The following DUSP16 variants were observed in gnomAD, a reference collection of about 807,000 sequenced individuals.
DUSP16 encodes dual specificity protein phosphatase 16.
In DUSP16, 21 loss-of-function variants were observed where a neutral mutation model predicts 58.3. That is an observed-to-expected ratio of 0.36 (90% confidence interval 0.26 to 0.52). The LOEUF (loss-of-function observed/expected upper bound fraction) is 0.52, where lower values mean the gene tolerates loss of function less well. Ranked by LOEUF, DUSP16 falls within the 20% of genes least tolerant of loss-of-function variation. DUSP16 has a pLI of 0.94. For missense variants in DUSP16, 726 were observed against 819.0 expected (o/e 0.89, Z 1.39); for synonymous variants, 320 against 323.8 (o/e 0.99, Z 0.12).
At chr12:12,485,301 C>T (rs1166728608) in intron 5 of DUSP16, 1 of 152,080 alleles carries the variant, frequency 6.6e-6, no homozygotes, top group East Asian at 1.9e-4. Flanking sequence ...CGTGAGCTAC[C>T]TGGCCATTTG....
intron 3 of DUSP16, among the ~76,000 whole-genome samples, chr12:12,511,283 A>G (rs1484427984): frequency 6.6e-6 from 1 of 152,196 alleles, no homozygotes; most frequent in Non-Finnish European, 1.5e-5. Flanking sequence ...AGGTTGGAAG[A>G]AAGATCTGGT....
At chr12:12,539,751 T>TA (rs71061077) in intron 1 of DUSP16, among the ~76,000 whole-genome samples, 34,993 of 139,260 alleles carry the variant, frequency 0.25, 4,489 homozygotes, top group African/African-American at 0.31. Context: ...AGCAGTTATT[T>TA]AAAAAAAAAA....
At chr12:12,509,914 G>A (rs1592183758) in intron 3 of DUSP16, among the ~76,000 whole-genome samples, 1 of 152,070 alleles carries the variant, frequency 6.6e-6, no homozygotes, top group Non-Finnish European at 1.5e-5. Context: ...AGACTCTCAG[G>A]GTGAGTGAGG....
chr12:12,499,565 T>C (rs1015105515), intron 4 of DUSP16, among the ~76,000 whole-genome samples: 2 of 152,236 alleles, frequency 1.3e-5, no homozygotes, highest in African/African-American at 4.8e-5. Flanking sequence ...CTAGAAAGCC[T>C]TGCCTTCCAG....
chr12:12,552,898 A>T (rs1944752742), intron 1 of DUSP16, among the ~76,000 whole-genome samples: 1 of 152,036 alleles, frequency 6.6e-6, no homozygotes, highest in Admixed American at 6.6e-5. Flanking sequence ...CTCGTGCCTC[A>T]GCCTCCCAAG....
Position 12,480,272 on chromosome 12 carries a change from T to A in DUSP16, c.766A>T (p.Ile256Phe). Residue 256 changes from isoleucine to phenylalanine, a missense_variant, in exon 6 of 7, where the codon ATC (isoleucine) becomes TTC (phenylalanine). By Grantham distance (21) the Ile-to-Phe change is conservative. Coordinates refer to ENST00000298573, the MANE Select transcript of DUSP16 (RefSeq NM_030640.3). ...TCCATCCTCTTCATGATGTAGGCGA[T>A]AGCGATGGTGGCGGAGCGGGAGATC... ...AGISRSATIAIAYIMKRMDMS... is the reference protein window; with the variant it reads ...AGISRSATIAFAYIMKRMDMS... 6.2e-7 allele frequency: 1 copy of A among 1,614,218 alleles called. No homozygotes were observed. The highest frequency in any genetic ancestry group is 1.7e-5 in the Admixed American group (1 of 60,022).
intron 3 of DUSP16, among the ~76,000 whole-genome samples, chr12:12,509,180 G>T (rs975672752): frequency 2.6e-5 from 4 of 152,210 alleles, no homozygotes; most frequent in Admixed American, 1.3e-4. Context: ...TGGCTGAACA[G>T]AATTAACAAG....
chr12:12,540,314 A>G (rs1944533058), intron 1 of DUSP16, among the ~76,000 whole-genome samples: 1 of 152,068 alleles, frequency 6.6e-6, no homozygotes, highest in Non-Finnish European at 1.5e-5. Flanking sequence ...TGGGCCACAG[A>G]GTGAGACCCT....
chr12:12,490,249 G>GA (rs1439405608), intron 4 of DUSP16, among the ~76,000 whole-genome samples: 2 of 152,074 alleles, frequency 1.3e-5, no homozygotes, highest in Non-Finnish European at 2.9e-5. Flanking sequence ...AATGGACTGA[G>GA]AAAAAATTAA....
intron 1 of DUSP16, among the ~76,000 whole-genome samples, chr12:12,539,144 G>A (rs1944512525): frequency 6.6e-6 from 1 of 152,168 alleles, no homozygotes; most frequent in East Asian, 1.9e-4. Context: ...CAGGTCACTT[G>A]GAAGGCAGTT....
chr12:12,552,753 A>G (rs184907922), intron 1 of DUSP16, among the ~76,000 whole-genome samples: 41 of 152,252 alleles, frequency 2.7e-4, no homozygotes, highest in Non-Finnish European at 5.7e-4. Flanking sequence ...TTTTCATAAA[A>G]GCATATTATT....
At chr12:12,531,937 T>G (rs1944393311) in intron 1 of DUSP16, among the ~76,000 whole-genome samples, 1 of 151,312 alleles carries the variant, frequency 6.6e-6, no homozygotes, top group Admixed American at 6.6e-5. Flanking sequence ...GGCGGGTGGA[T>G]CATGAGGTCA....
intron 1 of DUSP16, among the ~76,000 whole-genome samples, chr12:12,526,044 G>GCTA (rs1336720360): frequency 6.6e-6 from 1 of 152,078 alleles, no homozygotes; most frequent in East Asian, 1.9e-4. Flanking sequence ...CTTAATCAGG[G>GCTA]CTACTACACA....
chr12:12,521,275 CTCTT>C lies in DUSP16; in HGVS notation c.-181_-178del. 10 of 1,438,952 alleles carry C rather than the reference CTCTT, an allele frequency of 6.9e-6. No individual in the cohort carries two copies. The highest frequency in any genetic ancestry group is 9.1e-6 in the Non-Finnish European group (10 of 1,100,740). The allele number at this position is 1,438,952 out of a possible 1,614,324, so 89.1% of individuals were successfully genotyped here. The stretch of plus-strand genomic sequence containing the variant: ...CAGCAAGAGCCCTCCAAGTGAATGT[CTCTT>C]TCTCTTTCCCGTTGATGTGCTCTTG... On this transcript the variant is annotated 5_prime_UTR_variant, in exon 2 of 7. Coordinates refer to ENST00000298573, the MANE Select transcript of DUSP16 (RefSeq NM_030640.3).
At chr12:12,495,236 CAAA>C (rs10555943) in intron 4 of DUSP16, among the ~76,000 whole-genome samples, 120 of 98,914 alleles carry the variant, frequency 1.2e-3, no homozygotes, top group Middle Eastern at 5.1e-3. Flanking sequence ...AAAGCCATTA[CAAA>C]AAAAAAAAAA....
chr12:12,517,422 A>C (rs138375973), intron 3 of DUSP16, among the ~76,000 whole-genome samples: 20 of 152,218 alleles, frequency 1.3e-4, no homozygotes, highest in Non-Finnish European at 2.2e-4. Context: ...TTTCTCCCCA[A>C]CCAAAATATT....
rs924552333 is a variant in DUSP16, at chr12:12,562,341, AAG to A, written c.-592_-591del. 6.6e-6 allele frequency: 1 copy of A among 151,210 alleles called. No homozygotes were observed. Among genetic ancestry groups the A allele is most frequent in the Non-Finnish European group, 1.5e-5 (1 of 67,832 alleles). The allele number at this position is 151,210 out of a possible 1,614,324, so 9.4% of individuals were successfully genotyped here. The stretch of plus-strand genomic sequence containing the variant: ...GGTGGGTTGGGGCGGGAGGCTTAGG[AAG>A]AGAGGAGACGCTCGCAACTTTTCTT... On this transcript the variant is annotated 5_prime_UTR_variant, in exon 1 of 7. Transcript: ENST00000298573.
chr12:12,522,204 C>A (rs1240799559), intron 1 of DUSP16, among the ~76,000 whole-genome samples: 1 of 152,206 alleles, frequency 6.6e-6, no homozygotes, highest in African/African-American at 2.4e-5. Flanking sequence ...AGGCCATCTC[C>A]CTACCACCAA....
chr12:12,504,247 A>C (rs1337807485), intron 3 of DUSP16, among the ~76,000 whole-genome samples: 1 of 152,162 alleles, frequency 6.6e-6, no homozygotes. Flanking sequence ...TGTGGTGTCT[A>C]TTAACATGTA....
Sources: gnomAD v4.1 joint callset for allele counts (sites outside exome capture counted in the v4.1 genomes callset) on GRCh38, gnomAD v4.1.1 for gene constraint, MANE v1.5 for transcripts, NCBI Gene and HGNC (gene_info 2026-07-23, HGNC 2026-07-21) for gene names.